PLXNA4: variants seen among roughly 807,000 people sequenced by gnomAD.
PLXNA4 encodes plexin A4.
Under a neutral mutation model 191.8 loss-of-function variants are expected in PLXNA4, and 44 were observed. The ratio of observed to expected loss-of-function variants is 0.23; its 90% CI spans 0.18 to 0.29. PLXNA4 has a LOEUF of 0.29. Ranked by LOEUF, PLXNA4 falls within the 10% of genes least tolerant of loss-of-function variation. PLXNA4 has a pLI of 1.00. For missense variants in PLXNA4, 1,800 were observed against 2,488.8 expected, an observed-to-expected ratio of 0.72 and a Z score of 5.89; for synonymous variants, 1,082 against 1,009.5, an observed-to-expected ratio of 1.07 and a Z score of -1.36.
intron 3 of PLXNA4, among the ~76,000 whole-genome samples, chr7:132,446,740 C>T (rs146976527): frequency 6.6e-6 from 1 of 152,296 alleles, no homozygotes; most frequent in African/African-American, 2.4e-5. Context: ...CCAAGGGTTC[C>T]ATTTTACAGA....
intron 4 of PLXNA4, among the ~76,000 whole-genome samples, chr7:132,287,653 C>A (rs550635120): frequency 3.9e-5 from 6 of 152,258 alleles, no homozygotes; most frequent in Middle Eastern, 3.4e-3. Flanking sequence ...CTGTGGTGAT[C>A]ATACTCAGAT....
chr7:132,318,459 T>C (rs55927884), intron 3 of PLXNA4, among the ~76,000 whole-genome samples: 14,846 of 152,080 alleles, frequency 0.098, 944 homozygotes, highest in African/African-American at 0.17. Context: ...CCTCCTGGCT[T>C]CCTCCCTCCC....
Position 132,645,959 on chromosome 7 carries a change from G to T in PLXNA4, c.-118C>A, listed in dbSNP as rs185711043. On this transcript the variant is annotated 5_prime_UTR_variant, in exon 2 of 5. Coordinates refer to the PLXNA4 transcript ENST00000378539. ...TTCCAAGGTCAGAAGGCTTTGTGTG[G>T]ATCTGAGGGGTCATGGACATTTGCA... 3.3e-3 allele frequency: 497 copies of T among 152,714 alleles called. 2 individuals carry two copies. Among genetic ancestry groups the T allele is most frequent in the Non-Finnish European group, 4.3e-3 (291 of 68,016 alleles). 9.5% of individuals were successfully genotyped at this position (152,714 alleles called of 1,614,324 possible).
intron 2 of PLXNA4, among the ~76,000 whole-genome samples, chr7:132,601,739 T>C (rs1033320734): frequency 6.6e-6 from 1 of 152,216 alleles, no homozygotes; most frequent in Non-Finnish European, 1.5e-5. Flanking sequence ...TCTTTTTCTG[T>C]GGTGGCAAGA....
chr7:132,555,897 A>G (rs1041039632), intron 1 of PLXNA4, among the ~76,000 whole-genome samples: 1 of 152,252 alleles, frequency 6.6e-6, no homozygotes, highest in Non-Finnish European at 1.5e-5. Context: ...GAAACAATTT[A>G]TCAGCAGGAA....
At chr7:132,498,188 A>AACTGTTCTATTTTATGATTATTAT (rs1798105262) in intron 2 of PLXNA4, among the ~76,000 whole-genome samples, 1 of 152,168 alleles carries the variant, frequency 6.6e-6, no homozygotes. Context: ...ATACTGTCAT[A>AACTGTTCTATTTTATGATTATTAT]ACTGTTCTAT....
chr7:132,289,541 T>C (rs1038028463), intron 4 of PLXNA4, among the ~76,000 whole-genome samples: 1 of 151,186 alleles, frequency 6.6e-6, no homozygotes, highest in South Asian at 2.1e-4. Context: ...TTTTATTTAT[T>C]TTTTTTTTAG....
Position 132,582,651 on chromosome 7 carries a change from CCA to C in PLXNA4, c.-87+63275_-87+63276del, listed in dbSNP as rs111997606. 3.4e-3 allele frequency among the ~76,000 whole-genome samples: 516 copies of C among 152,282 alleles called. 6 individuals are homozygous for C. Among genetic ancestry groups the C allele is most frequent in the African/African-American group, 0.012 (490 of 41,554 alleles). ...CACCCTAGGAGCCCATCCTCCAGCC[CCA>C]GTTAAGCCTTCAGATGATTTCAGCC... On this transcript the variant is annotated intron_variant, in intron 2 of 4. Coordinates refer to the PLXNA4 transcript ENST00000378539.
In PLXNA4 at chr7:132,132,493, T is replaced by TCTGCTCTGC. The variant is rs1563048532; in HGVS notation, c.5589+555_5589+556insGCAGAGCAG. ...CTCTGCTCTGCTCTGCTCTGCTCTA[T>TCTGCTCTGC]TCTTTTCTATTCTATTCTATTCTAT... is the stretch of plus-strand genomic sequence containing the variant. On this transcript the variant is annotated intron_variant, in intron 31 of 31. Coordinates refer to ENST00000321063, the MANE Select transcript of PLXNA4 (RefSeq NM_020911.2). Among the ~76,000 whole-genome samples, 10 of 91,448 alleles carry TCTGCTCTGC rather than the reference T, an allele frequency of 1.1e-4. 1 individual carries two copies. The highest frequency in any genetic ancestry group is 3.7e-4 in the African/African-American group (8 of 21,842). 60.0% of individuals were successfully genotyped at this position (91,448 alleles called of 152,430 possible). A position where few individuals can be genotyped will look rare whatever the true frequency, so the allele number is the denominator to read the frequency against.
At chr7:132,205,962 T>C (rs1282995623) in intron 10 of PLXNA4, among the ~76,000 whole-genome samples, 2 of 152,230 alleles carry the variant, frequency 1.3e-5, no homozygotes, top group African/African-American at 4.8e-5. Context: ...TGAGCATCTG[T>C]GTACTCAAAC....
At chr7:132,459,472 C>G (rs1182929377) in intron 3 of PLXNA4, among the ~76,000 whole-genome samples, 2 of 152,156 alleles carry the variant, frequency 1.3e-5, no homozygotes, top group Non-Finnish European at 2.9e-5. Context: ...GAGCAATGAG[C>G]AGGCTACAGT....
At chr7:132,564,236 TC>T (rs1474930678) in intron 1 of PLXNA4, among the ~76,000 whole-genome samples, 1 of 120,078 alleles carries the variant, frequency 8.3e-6, no homozygotes, top group Non-Finnish European at 1.7e-5. Context: ...CTCCTCCTCT[TC>T]CTCCTCCTCC....
intron 4 of PLXNA4, among the ~76,000 whole-genome samples, chr7:132,289,294 C>A (rs1225384465): frequency 6.6e-6 from 1 of 152,208 alleles, no homozygotes; most frequent in African/African-American, 2.4e-5. Context: ...ACCCTTTCAC[C>A]CTCACAAGGA....
At chr7:132,246,265 G>C (rs1192557759) in intron 4 of PLXNA4, among the ~76,000 whole-genome samples, 1 of 152,170 alleles carries the variant, frequency 6.6e-6, no homozygotes, top group Non-Finnish European at 1.5e-5. Flanking sequence ...GAAATATTCT[G>C]ATATCTTTCA....
chr7:132,522,318 C>T (rs752613500), intron 1 of PLXNA4, among the ~76,000 whole-genome samples: 2 of 152,250 alleles, frequency 1.3e-5, no homozygotes, highest in Non-Finnish European at 2.9e-5. Context: ...ATAAGCCACT[C>T]ATGGCTCCAA....
chr7:132,264,024 G>A (rs1584918695), intron 4 of PLXNA4: 1 of 152,178 alleles, frequency 6.6e-6, no homozygotes, highest in Middle Eastern at 3.4e-3. Context: ...TAAGGCACCA[G>A]AAGAGAAATC....
intron 2 of PLXNA4, among the ~76,000 whole-genome samples, chr7:132,591,267 T>C (rs925711201): frequency 6.6e-6 from 1 of 152,202 alleles, no homozygotes; most frequent in Non-Finnish European, 1.5e-5. Flanking sequence ...GCGAATGCAC[T>C]GTAATTGATT....
chr7:132,375,919 A>T (rs1804639752), intron 3 of PLXNA4, among the ~76,000 whole-genome samples: 1 of 152,206 alleles, frequency 6.6e-6, no homozygotes, highest in Admixed American at 6.5e-5. Flanking sequence ...CAAGGAGAGC[A>T]AGAAGCAATA....
rs118036828 is a variant in PLXNA4 at position 132,583,300 on chromosome 7, G to A, written c.-87+62628C>T. Reference sequence around the variant, plus strand: ...TGTTCCCTACATCTGATCCTAACCCGTGCTACACCACAGGGCAGGAGGGAG... The same window carrying A: ...TGTTCCCTACATCTGATCCTAACCCATGCTACACCACAGGGCAGGAGGGAG... On this transcript the variant is annotated intron_variant, in intron 2 of 4. Transcript: ENST00000378539. 5.6e-3 allele frequency among the ~76,000 whole-genome samples: 852 copies of A among 152,264 alleles called. 4 individuals carry two copies. Among genetic ancestry groups the A allele is most frequent in the Non-Finnish European group, 8.3e-3 (562 of 68,012 alleles).
Sources: gnomAD v4.1 joint callset for allele counts (sites outside exome capture counted in the v4.1 genomes callset) on GRCh38, gnomAD v4.1.1 for gene constraint, MANE v1.5 for transcripts, NCBI Gene and HGNC (gene_info 2026-07-23, HGNC 2026-07-21) for gene names.